The following FRMPD4 variants were observed in gnomAD, a reference collection of about 807,000 sequenced individuals.
FRMPD4 encodes the protein FERM and PDZ domain-containing protein 4.
In FRMPD4, 22 loss-of-function variants were observed where a neutral mutation model predicts 94.1. The observed-to-expected ratio is 0.23, with a 90% CI of 0.17 to 0.33. The LOEUF is 0.33. FRMPD4 is among the 10% of genes least tolerant of loss of function. The pLI, the probability that FRMPD4 is intolerant of heterozygous loss-of-function variation, is 1.00. For synonymous variants in FRMPD4, 631 were observed against 548.6 expected (o/e 1.15, Z -2.10); for missense variants, 1,111 against 1,339.9 (o/e 0.83, Z 2.67).
At chrX:12,696,983 C>T (rs4830794) in intron 9 of FRMPD4, among the ~76,000 whole-genome samples, 22,473 of 110,619 alleles carry the variant, frequency 0.2, 2,041 homozygotes, top group East Asian at 0.75. Context: ...CAGGGTGAGG[C>T]CAGTCAAATT....
chrX:12,163,333 G>T (rs1398663480), intron 1 of FRMPD4, among the ~76,000 whole-genome samples: 2 of 109,020 alleles, frequency 1.8e-5, no homozygotes, highest in Non-Finnish European at 3.8e-5. Flanking sequence ...CATTCTTTGG[G>T]CCTGCTTTGG....
intron 1 of FRMPD4, among the ~76,000 whole-genome samples, chrX:12,415,795 A>T (rs1254473434): frequency 8.9e-6 from 1 of 112,273 alleles, no homozygotes; most frequent in African/African-American, 3.2e-5. Flanking sequence ...GTTGGTGATT[A>T]TCTCCTGAGA....
intron 5 of FRMPD4, among the ~76,000 whole-genome samples, chrX:12,675,272 CT>C (rs2059886954): frequency 9.0e-6 from 1 of 111,385 alleles, no homozygotes; most frequent in African/African-American, 3.3e-5. Context: ...GATTGTTATT[CT>C]TATCCCCATC....
chrX:12,447,976 G>T (rs1362527949), intron 1 of FRMPD4, among the ~76,000 whole-genome samples: 1 of 111,959 alleles, frequency 8.9e-6, no homozygotes, highest in Non-Finnish European at 1.9e-5. Flanking sequence ...AACATGCTTT[G>T]GATTTAGGTG....
intron 2 of FRMPD4, among the ~76,000 whole-genome samples, chrX:12,606,460 T>C (rs1315144352): frequency 8.9e-6 from 1 of 111,753 alleles, no homozygotes; most frequent in African/African-American, 3.3e-5. Flanking sequence ...ACTCGGGCAT[T>C]AGGAGTTTTG....
chrX:12,497,277 A>C (rs1420839903), intron 1 of FRMPD4, among the ~76,000 whole-genome samples: 5 of 111,327 alleles, frequency 4.5e-5, no homozygotes, highest in African/African-American at 1.6e-4. Flanking sequence ...AAACATTTTT[A>C]ATAGAATAGA....
chrX:12,207,249 C>T (rs950571114), intron 1 of FRMPD4, among the ~76,000 whole-genome samples: 1 of 111,797 alleles, frequency 8.9e-6, no homozygotes, highest in African/African-American at 3.2e-5. Flanking sequence ...AAATGCCTCA[C>T]AATTTTTTTT....
At chrX:12,373,272 A>G in intron 1 of FRMPD4, 1 of 112,235 alleles carries the variant, frequency 8.9e-6, no homozygotes, top group Non-Finnish European at 1.9e-5. Flanking sequence ...CTGCAGAGAG[A>G]ATATTACATT....
chrX:12,712,157 A>G (rs2041998241), intron 14 of FRMPD4, among the ~76,000 whole-genome samples: 1 of 110,935 alleles, frequency 9.0e-6, no homozygotes, highest in African/African-American at 3.3e-5. Context: ...CAAGGGTTAG[A>G]AAAATAATCT....
intron 1 of FRMPD4, among the ~76,000 whole-genome samples, chrX:12,419,840 C>G (rs2056859655): frequency 9.0e-6 from 1 of 111,698 alleles, no homozygotes; most frequent in Non-Finnish European, 1.9e-5. Flanking sequence ...TTCTTCCTAC[C>G]TCCCTGGCTC....
At chrX:12,678,717 A>C (rs1049792799) in intron 5 of FRMPD4, among the ~76,000 whole-genome samples, 2 of 111,734 alleles carry the variant, frequency 1.8e-5, no homozygotes, top group Non-Finnish European at 3.8e-5. Flanking sequence ...CCCAGCTACT[A>C]GGGAGGCTGA....
intron 8 of FRMPD4, 30 bp from the exon 9 acceptor site, chrX:12,694,305 G>A: frequency 1.7e-6 from 2 of 1,183,856 alleles, no homozygotes; most frequent in South Asian, 3.6e-5. Context: ...AGCACTGAAG[G>A]GTTCTTGTGT....
At chrX:12,224,819 G>A (rs1431547868) in intron 1 of FRMPD4, among the ~76,000 whole-genome samples, 1 of 111,268 alleles carries the variant, frequency 9.0e-6, no homozygotes, top group Non-Finnish European at 1.9e-5. Flanking sequence ...TTCCTATAAT[G>A]AATATATATG....
At chrX:12,278,699 C>T (rs745771282) in intron 1 of FRMPD4, among the ~76,000 whole-genome samples, 8 of 111,438 alleles carry the variant, frequency 7.2e-5, no homozygotes, top group Admixed American at 2.8e-4. Flanking sequence ...CCAGTGAACA[C>T]AGCTTCTTTG....
chrX:12,047,931 T>C (rs1781260074), intron 3 of FRMPD4, among the ~76,000 whole-genome samples: 1 of 113,051 alleles, frequency 8.8e-6, no homozygotes, highest in South Asian at 3.6e-4. Flanking sequence ...TCTATGTCTT[T>C]GCTATTGTTA....
At chrX:12,265,094 AAGAC>A (rs1439956229) in intron 1 of FRMPD4, among the ~76,000 whole-genome samples, 1 of 112,226 alleles carries the variant, frequency 8.9e-6, no homozygotes, top group Non-Finnish European at 1.9e-5. Context: ...CCTGTAATCA[AAGAC>A]AAAGTAATTC....
chrX:12,228,456 A>T (rs774729079), intron 1 of FRMPD4, among the ~76,000 whole-genome samples: 1 of 112,456 alleles, frequency 8.9e-6, no homozygotes, highest in East Asian at 2.8e-4. Context: ...CTTTTCAGTG[A>T]TACCCATTGC....
intron 1 of FRMPD4, chrX:12,341,693 T>A (rs2055616987): frequency 9.6e-6 from 3 of 312,573 alleles, no homozygotes; most frequent in Middle Eastern, 4.5e-4. Flanking sequence ...CTCTTAATAT[T>A]CTATTACATT....
chrX:12,471,269 C>G (rs2057508949), intron 1 of FRMPD4, among the ~76,000 whole-genome samples: 1 of 112,152 alleles, frequency 8.9e-6, no homozygotes. Context: ...TCTCTGTTAA[C>G]AAACCACATT....
Sources: allele counts gnomAD v4.1 joint callset (sites outside exome capture counted in the v4.1 genomes callset), GRCh38; gene constraint gnomAD v4.1.1; transcripts MANE v1.5; gene names NCBI Gene and HGNC (gene_info 2026-07-23, HGNC 2026-07-21).